The following GNG4 variants were observed in gnomAD, a reference collection of about 807,000 sequenced individuals.
GNG4 encodes guanine nucleotide-binding protein G(I)/G(S)/G(O) subunit gamma-4.
Under a neutral mutation model 5.8 loss-of-function variants are expected in GNG4, and 4 were observed. That is an observed-to-expected ratio of 0.69 (90% CI 0.34 to 1.57). GNG4 has a LOEUF of 1.57. GNG4 is among the 40% of genes most tolerant of loss of function. GNG4 has a pLI of 0.06. For synonymous variants in GNG4, 29 were observed against 32.9 expected (o/e 0.88, Z 0.41); for missense variants, 96 against 95.1 (o/e 1.01, Z -0.04).
chr1:235,563,117 G>A lies in GNG4; in HGVS notation c.100-10880C>T, dbSNP rs542601476. Among the ~76,000 whole-genome samples the A allele has an allele frequency of 6.6e-5, 10 of 151,662 alleles. No individual in the cohort carries two copies. The East Asian group carries it at 1.9e-3, about 29-fold the overall frequency. On this transcript the variant is annotated intron_variant, in intron 3 of 3. Coordinates refer to ENST00000391854, the MANE Select transcript of GNG4 (RefSeq NM_001098722.2). ...TGATGTTCCATGGTCTTTATTTCTTGTACTCCAGTAATTAAGAAGTATAGG... is the reference window on the plus strand; with the variant it reads ...TGATGTTCCATGGTCTTTATTTCTTATACTCCAGTAATTAAGAAGTATAGG...
At chr1:235,610,653 C>A (rs893950222) in intron 1 of GNG4, among the ~76,000 whole-genome samples, 3 of 152,206 alleles carry the variant, frequency 2.0e-5, no homozygotes, top group African/African-American at 7.2e-5. Context: ...ATGTCTTTAT[C>A]ATTTTTGATT....
At chr1:235,574,735 C>A (rs544903807) in intron 3 of GNG4, among the ~76,000 whole-genome samples, 1 of 111,108 alleles carries the variant, frequency 9.0e-6, no homozygotes, top group East Asian at 1.9e-4. Flanking sequence ...AAAAATAGCT[C>A]TTTCTCTTTT....
intron 2 of GNG4, among the ~76,000 whole-genome samples, chr1:235,587,158 GGTGAGCGT>G (rs1383085843): frequency 6.6e-6 from 1 of 150,720 alleles, no homozygotes; most frequent in Non-Finnish European, 1.5e-5. Context: ...GTGGGGTGGG[GGTGAGCGT>G]GTGAGAGTGT....
chr1:235,622,285 T>C (rs549598989), intron 1 of GNG4, among the ~76,000 whole-genome samples: 1 of 152,180 alleles, frequency 6.6e-6, no homozygotes, highest in Non-Finnish European at 1.5e-5. Flanking sequence ...TAATTTTTAG[T>C]CTTTGCAACT....
At chr1:235,597,881 C>G (rs1688162860) in intron 1 of GNG4, among the ~76,000 whole-genome samples, 2 of 152,024 alleles carry the variant, frequency 1.3e-5, no homozygotes, top group African/African-American at 4.8e-5. Flanking sequence ...ACTCACCTCC[C>G]AAAGTGCTGG....
intron 2 of GNG4, among the ~76,000 whole-genome samples, chr1:235,592,861 C>A (rs1295032398): frequency 2.0e-5 from 3 of 152,100 alleles, no homozygotes; most frequent in African/African-American, 7.2e-5. Flanking sequence ...AGCAATTAAA[C>A]ACCCTCCTTT....
chr1:235,645,654 G>A (rs2003342), intron 1 of GNG4, among the ~76,000 whole-genome samples: 17 of 152,002 alleles, frequency 1.1e-4, no homozygotes, highest in South Asian at 4.2e-4. Flanking sequence ...AAAATTAGCC[G>A]GGCGCGGTGG....
intron 1 of GNG4, among the ~76,000 whole-genome samples, chr1:235,647,169 T>A (rs1657531810): frequency 6.6e-6 from 1 of 152,146 alleles, no homozygotes; most frequent in Non-Finnish European, 1.5e-5. Context: ...TTTCTGGTTT[T>A]AAAAAAGAAA....
chr1:235,555,037 C>A (rs921589571), intron 3 of GNG4, among the ~76,000 whole-genome samples: 1 of 152,112 alleles, frequency 6.6e-6, no homozygotes. Context: ...TCAGAGGATG[C>A]AAGAGAAAGA....
chr1:235,625,743 A>G (rs1414871725), intron 1 of GNG4, among the ~76,000 whole-genome samples: 1 of 152,276 alleles, frequency 6.6e-6, no homozygotes, highest in South Asian at 2.1e-4. Flanking sequence ...AGTCTCCTCT[A>G]TGTTGTGTCA....
At chr1:235,621,379 C>A (rs1367718530) in intron 1 of GNG4, among the ~76,000 whole-genome samples, 2 of 149,124 alleles carry the variant, frequency 1.3e-5, no homozygotes, top group African/African-American at 4.9e-5. Flanking sequence ...GCAGCCTCTG[C>A]CTCCTGGGTT....
intron 2 of GNG4, among the ~76,000 whole-genome samples, chr1:235,592,750 A>T (rs1357754461): frequency 2.0e-5 from 3 of 152,030 alleles, no homozygotes; most frequent in Non-Finnish European, 2.9e-5. Context: ...CTTACCTGTA[A>T]CTTCTTTCCT....
intron 1 of GNG4, among the ~76,000 whole-genome samples, chr1:235,641,005 C>T (rs903196373): frequency 3.3e-5 from 5 of 152,268 alleles, no homozygotes; most frequent in East Asian, 1.9e-4. Flanking sequence ...CTACCAAATA[C>T]TCCTTTTGGT....
chr1:235,560,040 C>T (rs780687782), intron 3 of GNG4, among the ~76,000 whole-genome samples: 1 of 152,188 alleles, frequency 6.6e-6, no homozygotes, highest in Non-Finnish European at 1.5e-5. Context: ...CTGACTATCT[C>T]TCAGTTTTGA....
chr1:235,576,654 G>C (rs774418474), intron 3 of GNG4, among the ~76,000 whole-genome samples: 5 of 152,144 alleles, frequency 3.3e-5, no homozygotes, highest in Non-Finnish European at 7.3e-5. Flanking sequence ...CATCTTTGTT[G>C]GGAAATGCTT....
intron 2 of GNG4, among the ~76,000 whole-genome samples, chr1:235,591,100 G>A (rs937349131): frequency 4.6e-5 from 7 of 152,166 alleles, no homozygotes; most frequent in African/African-American, 1.7e-4. Flanking sequence ...GAACATGGAG[G>A]TCCGGTTCCA....
chr1:235,614,214 G>A (rs1434163351), intron 1 of GNG4, among the ~76,000 whole-genome samples: 1 of 151,968 alleles, frequency 6.6e-6, no homozygotes, highest in Non-Finnish European at 1.5e-5. Context: ...AACATTCTTT[G>A]TAATATCCTT....
At chr1:235,646,000 T>C (rs1445661722) in intron 1 of GNG4, among the ~76,000 whole-genome samples, 1 of 152,084 alleles carries the variant, frequency 6.6e-6, no homozygotes, top group Non-Finnish European at 1.5e-5. Context: ...GCACAGTTAA[T>C]GCCAGCTCAT....
rs1054773102 is a variant in GNG4 at position 235,548,601 on chromosome 1, C to T, written c.*3508G>A. ...CCCCAGGTCAATGACCACTTCCCGA[C>T]TGGTATGGGGCTGGAAGCGGGGTGT... On this transcript the variant is annotated 3_prime_UTR_variant, in exon 4 of 4. Coordinates refer to ENST00000391854, the MANE Select transcript of GNG4 (RefSeq NM_001098722.2). 6.7e-6 allele frequency: 1 copy of T among 148,350 alleles called. No homozygotes were observed. The highest frequency in any genetic ancestry group is 1.5e-5 in the Non-Finnish European group (1 of 67,214). The allele number at this position is 148,350 out of a possible 1,614,324, so 9.2% of individuals were successfully genotyped here.
Sources: allele counts gnomAD v4.1 joint callset (sites outside exome capture counted in the v4.1 genomes callset), GRCh38; gene constraint gnomAD v4.1.1; transcripts MANE v1.5; gene names NCBI Gene and HGNC (gene_info 2026-07-23, HGNC 2026-07-21).